SLC39A10: variants seen among roughly 807,000 people sequenced by gnomAD.
SLC39A10 encodes solute carrier family 39 member 10.
In SLC39A10, 13 loss-of-function variants were observed where a neutral mutation model predicts 65.1. That is an observed-to-expected ratio of 0.20 (90% CI 0.13 to 0.32). The LOEUF (loss-of-function observed/expected upper bound fraction) is 0.32, where lower values mean the gene tolerates loss of function less well. SLC39A10 is among the 10% of genes least tolerant of loss of function. SLC39A10 has a pLI of 1.00. For missense variants in SLC39A10, 831 were observed against 1,018.4 expected, an observed-to-expected ratio of 0.82 and a Z score of 2.50; for synonymous variants, 321 against 342.2, an observed-to-expected ratio of 0.94 and a Z score of 0.68.
chr2:195,680,798 C>A lies in SLC39A10; in HGVS notation c.756C>A (p.Pro252=). ...ENSEVITPGF[P]PNHDQGEQYE... The stretch of plus-strand genomic sequence containing the variant: ...CTGAGGTTATTACACCAGGTTTTCC[C>A]CCTAACCATGATCAGGGTGAACAGT... Residue 252 remains proline (P), a synonymous_variant, in exon 2 of 10, where the codon CCC becomes CCA. Transcript: ENST00000359634. 6.2e-7 allele frequency: 1 copy of A among 1,613,962 alleles called. No individual in the cohort carries two copies. The highest frequency in any genetic ancestry group is 8.5e-7 in the Non-Finnish European group (1 of 1,179,986).
intron 2 of SLC39A10, among the ~76,000 whole-genome samples, chr2:195,647,624 G>A (rs1360785676): frequency 6.6e-6 from 1 of 151,566 alleles, no homozygotes; most frequent in Non-Finnish European, 1.5e-5. Flanking sequence ...CTTTGCTACC[G>A]TTGCAAGCTA....
intron 2 of SLC39A10, among the ~76,000 whole-genome samples, chr2:195,649,572 G>A (rs1688990720): frequency 6.6e-6 from 1 of 152,136 alleles, no homozygotes; most frequent in South Asian, 2.1e-4. Context: ...ATTTCAACCA[G>A]TTTAACAAAT....
chr2:195,675,761 G>A lies in SLC39A10; in HGVS notation c.-11-4271G>A, dbSNP rs955455865. The stretch of plus-strand genomic sequence containing the variant: ...TAAGGATTCTTGAATGTGTCTTTGC[G>A]TGCCTAAGTGCAAGGGTAATTAAAA... On this transcript the variant is annotated intron_variant, in intron 1 of 9. Coordinates refer to ENST00000359634, the MANE Select transcript of SLC39A10 (RefSeq NM_020342.3). Among the ~76,000 whole-genome samples, 5 of 152,248 alleles carry A rather than the reference G, an allele frequency of 3.3e-5. No individual in the cohort carries two copies. The East Asian group carries it at 7.7e-4, about 24-fold the overall frequency.
chr2:195,665,971 A>G (rs1689619799), intron 1 of SLC39A10, among the ~76,000 whole-genome samples: 1 of 152,228 alleles, frequency 6.6e-6, no homozygotes, highest in Non-Finnish European at 1.5e-5. Flanking sequence ...ATTATTTTAT[A>G]CAATGTGCCA....
chr2:195,706,976 G>A lies in SLC39A10; in HGVS notation c.1386+191G>A, dbSNP rs12052236. On this transcript the variant is annotated intron_variant, in intron 4 of 9. Coordinates refer to ENST00000359634, the MANE Select transcript of SLC39A10 (RefSeq NM_020342.3). ...TTTTTTAAATAAATTGAATCATTAG[G>A]TCAACTTTGCTTTCAATAGTCTTTA... Among the ~76,000 whole-genome samples, 2,797 of 151,670 alleles carry A rather than the reference G, an allele frequency of 0.018. 214 individuals carry two copies. In the East Asian group the frequency reaches 0.25, roughly 13 times the overall value.
intron 3 of SLC39A10, among the ~76,000 whole-genome samples, chr2:195,697,953 A>G (rs1022056221): frequency 1.3e-5 from 2 of 152,012 alleles, no homozygotes; most frequent in Non-Finnish European, 2.9e-5. Context: ...ATTGCTAAGT[A>G]TTTTATTCTT....
intron 2 of SLC39A10, among the ~76,000 whole-genome samples, chr2:195,614,558 T>C (rs1688166641): frequency 6.6e-6 from 1 of 152,154 alleles, no homozygotes; most frequent in Admixed American, 6.5e-5. Context: ...TGACATAAAA[T>C]ATTGCTGGCA....
chr2:195,639,831 C>G (rs562800274), intron 2 of SLC39A10, among the ~76,000 whole-genome samples: 153 of 152,318 alleles, frequency 1.0e-3, no homozygotes, highest in African/African-American at 3.6e-3. Context: ...TCCCAAAGCA[C>G]TGGGATTACA....
At chr2:195,635,355 C>T (rs1266217121) in intron 2 of SLC39A10, among the ~76,000 whole-genome samples, 1 of 152,186 alleles carries the variant, frequency 6.6e-6, no homozygotes, top group Non-Finnish European at 1.5e-5. Context: ...TATCAATTGG[C>T]TTAATTCAGC....
intron 3 of SLC39A10, among the ~76,000 whole-genome samples, chr2:195,705,733 G>A (rs1258475832): frequency 6.6e-6 from 1 of 152,018 alleles, no homozygotes; most frequent in Non-Finnish European, 1.5e-5. Context: ...CTTAAAATAA[G>A]CAGAATTTTA....
rs1208165200 is a variant in SLC39A10, at chr2:195,706,671, C to T, written c.1272C>T (p.Gly424=). 21 of 1,611,152 alleles carry T rather than the reference C, an allele frequency of 1.3e-5. No individual in the cohort carries two copies. The highest frequency in any genetic ancestry group is 3.3e-5 in the South Asian group (3 of 90,904). The change falls in exon 4 of 10, where the codon GGC becomes GGT. Residue 424 remains glycine, a synonymous_variant. Transcript: ENST00000359634. ...TCATTAGCCTGCTTTCCTTGCTAGG[C>T]GTGATCTTGGTTCCTATCATTAACC... The part of the protein sequence containing the change: ...ITVISLLSLL[G]VILVPIINQG...
rs1437038174 is a variant in SLC39A10, at chr2:195,737,119, C to CTTT, written c.*2079_*2081dup. 6.6e-6 allele frequency: 1 copy of CTTT among 152,526 alleles called. No individual in the cohort carries two copies. Among genetic ancestry groups the CTTT allele is most frequent in the Non-Finnish European group, 1.5e-5 (1 of 68,000 alleles). The allele number at this position is 152,526 out of a possible 1,614,324, so 9.4% of individuals were successfully genotyped here. ...TTCTCTCAAAAATGGTATTATCTTT[C>CTTT]TTTATTTGCTAGATTCTTACAAATC... On this transcript the variant is annotated 3_prime_UTR_variant, in exon 10 of 10. Coordinates refer to ENST00000359634, the MANE Select transcript of SLC39A10 (RefSeq NM_020342.3).
intron 5 of SLC39A10, among the ~76,000 whole-genome samples, chr2:195,713,058 A>C (rs1234179703): frequency 6.6e-6 from 1 of 152,222 alleles, no homozygotes; most frequent in East Asian, 1.9e-4. Context: ...ATTGCATTAA[A>C]TGTGAATGAA....
At chr2:195,679,021 CGTT>C (rs1239085214) in intron 1 of SLC39A10, among the ~76,000 whole-genome samples, 1 of 152,136 alleles carries the variant, frequency 6.6e-6, no homozygotes, top group Non-Finnish European at 1.5e-5. Context: ...TCTGCGTCTA[CGTT>C]GTCCAACATA....
At chr2:195,687,806 C>A (rs768922005) in intron 3 of SLC39A10, among the ~76,000 whole-genome samples, 6 of 152,142 alleles carry the variant, frequency 3.9e-5, no homozygotes, top group Non-Finnish European at 8.8e-5. Flanking sequence ...TGGTAGAAAT[C>A]GTTTGTTTCA....
At chr2:195,624,887 C>CAAAAAAAAAA (rs60370795) in intron 2 of SLC39A10, among the ~76,000 whole-genome samples, 1 of 47,332 alleles carries the variant, frequency 2.1e-5, no homozygotes, top group Non-Finnish European at 4.1e-5. Flanking sequence ...GACTCCATCT[C>CAAAAAAAAAA]AAAAAAAAAA....
chr2:195,697,881 A>G (rs1691028805), intron 3 of SLC39A10, among the ~76,000 whole-genome samples: 1 of 152,156 alleles, frequency 6.6e-6, no homozygotes, highest in South Asian at 2.1e-4. Flanking sequence ...ATACCATCTT[A>G]CACCAGTCAG....
At chr2:195,719,110 T>A (rs1161836968) in intron 8 of SLC39A10, among the ~76,000 whole-genome samples, 1 of 152,006 alleles carries the variant, frequency 6.6e-6, no homozygotes, top group Non-Finnish European at 1.5e-5. Context: ...ACTATAGTAA[T>A]CATATATATT....
At chr2:195,733,533 T>G (rs143803508) in intron 9 of SLC39A10, among the ~76,000 whole-genome samples, 34 of 152,248 alleles carry the variant, frequency 2.2e-4, no homozygotes, top group African/African-American at 7.9e-4. Flanking sequence ...TAAACTTTTC[T>G]TTTCTTTTTT....
Sources: allele counts gnomAD v4.1 joint callset (sites outside exome capture counted in the v4.1 genomes callset), GRCh38; gene constraint gnomAD v4.1.1; transcripts MANE v1.5; gene names NCBI Gene and HGNC (gene_info 2026-07-23, HGNC 2026-07-21).